DENND2B: variants seen among roughly 807,000 people sequenced by gnomAD.
DENND2B encodes the protein DENN domain containing 2B.
A neutral mutation model predicts 116.0 loss-of-function variants in DENND2B; 32 were observed. The ratio of observed to expected loss-of-function variants is 0.28; its 90% CI spans 0.21 to 0.37. The LOEUF is 0.37. Among genes scored for constraint, DENND2B ranks in the 10% least tolerant of loss-of-function variants. The pLI is 1.00. For synonymous variants in DENND2B, 588 were observed against 583.9 expected (o/e 1.01, Z -0.10); for missense variants, 1,276 against 1,477.7 (o/e 0.86, Z 2.24).
At position 8,712,631 on chromosome 11, in the gene DENND2B, C is replaced by G; in HGVS notation, c.2092G>C (p.Glu698Gln). The G allele has an allele frequency of 1.3e-6, 2 of 1,572,298 alleles. No individual in the cohort carries two copies. Among genetic ancestry groups the G allele is most frequent in the South Asian group, 2.3e-5 (2 of 85,710 alleles). ...TTGAGGGACACCACCACAAAGTACTCAAAAAGCTCCCGCTCCTGCCACTCC... is the reference window on the plus strand; with the variant it reads ...TTGAGGGACACCACCACAAAGTACTGAAAAAGCTCCCGCTCCTGCCACTCC... ...LLEWQERELFEYFVVVSLKKK... is the reference protein window; with the variant it reads ...LLEWQERELFQYFVVVSLKKK... The change falls in exon 9 of 20, where the codon GAG becomes CAG. Residue 698 changes from glutamate to glutamine, a missense_variant. By Grantham distance (29) the Glu-to-Gln change is conservative. Transcript: ENST00000313726. This position sits in a 1 kb window ranked among gnomAD's most constrained non-coding sequence, Gnocchi z 4.4.
At chr11:8,774,056 A>G in intron 1 of DENND2B, 1 of 960,830 alleles carries the variant, frequency 1.0e-6, no homozygotes, top group Non-Finnish European at 1.2e-6. Context: ...TAAAATGGAG[A>G]GAACAGTTCC....
At position 8,829,603 on chromosome 11, in the gene DENND2B, T is replaced by C. The variant is rs1594143055; in HGVS notation, c.-115+9707A>G. On this transcript the variant is annotated intron_variant, in intron 4 of 6. Transcript: ENST00000524757. ...TATGGTCTGAATGCTTCTGAGTAAG[T>C]TTCTCTCAGCTCTCAGAGATTGGTT... Among the ~76,000 whole-genome samples the C allele has an allele frequency of 2.6e-5, 4 of 152,108 alleles. No homozygotes were observed. In the East Asian group the frequency reaches 7.7e-4, roughly 29 times the overall value.
At chr11:8,799,918 T>TTTATTATTATTA (rs143632896) in intron 1 of DENND2B, among the ~76,000 whole-genome samples, 2 of 143,652 alleles carry the variant, frequency 1.4e-5, no homozygotes, top group African/African-American at 5.2e-5. Context: ...TCACCATGTA[T>TTTATTATTATTA]TTATTATTAT....
chr11:8,857,223 A>G (rs2063225128), intron 3 of DENND2B: 1 of 152,212 alleles, frequency 6.6e-6, no homozygotes, highest in Non-Finnish European at 1.5e-5. Context: ...ACTCTATTAG[A>G]AAGCTGAGTA....
At chr11:8,742,411 C>A (rs1243860799) in intron 2 of DENND2B, among the ~76,000 whole-genome samples, 2 of 152,036 alleles carry the variant, frequency 1.3e-5, no homozygotes, top group Non-Finnish European at 2.9e-5. Flanking sequence ...GAAACAAAAT[C>A]TTAAAACAGT....
At chr11:8,742,331 T>C (rs540387794) in intron 2 of DENND2B, among the ~76,000 whole-genome samples, 1 of 152,352 alleles carries the variant, frequency 6.6e-6, no homozygotes, top group African/African-American at 2.4e-5. Flanking sequence ...CATTAAATTT[T>C]TTTTTTGAGG....
chr11:8,799,183 A>G (rs935351509), intron 1 of DENND2B, among the ~76,000 whole-genome samples: 1 of 152,176 alleles, frequency 6.6e-6, no homozygotes, highest in African/African-American at 2.4e-5. Flanking sequence ...ATTAGAGTTC[A>G]GTTGACAAAA....
At chr11:8,724,703 G>A (rs551974748) in intron 4 of DENND2B, among the ~76,000 whole-genome samples, 1 of 152,276 alleles carries the variant, frequency 6.6e-6, no homozygotes, top group South Asian at 2.1e-4. Flanking sequence ...CCCTTCTTCT[G>A]AACAAGAGGA....
At chr11:8,744,755 A>C (rs557121839) in intron 2 of DENND2B, among the ~76,000 whole-genome samples, 1 of 152,152 alleles carries the variant, frequency 6.6e-6, no homozygotes, top group African/African-American at 2.4e-5. Context: ...CCTTTTTGAA[A>C]AGAAGCCTAT....
intron 16 of DENND2B, 21 bp from the exon 17 acceptor site, chr11:8,697,657 A>G: frequency 6.5e-7 from 1 of 1,546,818 alleles, no homozygotes; most frequent in East Asian, 2.2e-5. Context: ...AAGAAAGCAC[A>G]GTGACAATCA....
intron 1 of DENND2B, among the ~76,000 whole-genome samples, chr11:8,900,271 A>C (rs914699267): frequency 1.4e-5 from 2 of 147,214 alleles, no homozygotes; most frequent in African/African-American, 5.0e-5. Context: ...TAAAAATACA[A>C]AAAAAAAAAA....
chr11:8,793,567 T>C (rs2134349030), intron 1 of DENND2B, among the ~76,000 whole-genome samples: 1 of 152,362 alleles, frequency 6.6e-6, no homozygotes, highest in East Asian at 1.9e-4. Flanking sequence ...ATTACTGTGT[T>C]TATACATTTT....
At chr11:8,791,698 AG>A (rs1361632975) in intron 1 of DENND2B, among the ~76,000 whole-genome samples, 2 of 151,360 alleles carry the variant, frequency 1.3e-5, no homozygotes, top group African/African-American at 4.9e-5. Flanking sequence ...ACCTGGGAGG[AG>A]GAGGTTGCAT....
intron 1 of DENND2B, among the ~76,000 whole-genome samples, chr11:8,884,136 T>C (rs2063932675): frequency 6.6e-6 from 1 of 152,186 alleles, no homozygotes; most frequent in Non-Finnish European, 1.5e-5. Context: ...TCTCACTCCT[T>C]TCATTCAGTT....
chr11:8,754,723 G>T (rs937861101), intron 1 of DENND2B, among the ~76,000 whole-genome samples: 4 of 152,206 alleles, frequency 2.6e-5, no homozygotes, highest in Non-Finnish European at 5.9e-5. Flanking sequence ...CAACACAATG[G>T]AATATTATTC....
chr11:8,755,864 C>T (rs2053520519), intron 1 of DENND2B, among the ~76,000 whole-genome samples: 3 of 152,088 alleles, frequency 2.0e-5, no homozygotes, highest in Admixed American at 2.0e-4. Context: ...TCAATCTTGC[C>T]CCCAGGGCAT....
At chr11:8,779,901 A>G (rs1186237204) in intron 1 of DENND2B, among the ~76,000 whole-genome samples, 1 of 152,172 alleles carries the variant, frequency 6.6e-6, no homozygotes, top group Non-Finnish European at 1.5e-5. Context: ...ACTCAAAAAC[A>G]TCCCATTGAA....
At chr11:8,776,379 CACAA>C (rs1251461591) in intron 1 of DENND2B, 2 of 391,678 alleles carry the variant, frequency 5.1e-6, no homozygotes, top group South Asian at 1.9e-5. Context: ...CCATTCAATC[CACAA>C]ACAATGACCA....
chr11:8,733,582 A>G (rs989160396), intron 2 of DENND2B, among the ~76,000 whole-genome samples: 1 of 152,126 alleles, frequency 6.6e-6, no homozygotes, highest in Non-Finnish European at 1.5e-5. Flanking sequence ...TTTAAACTAT[A>G]CATGCCTCAC....
Sources: gnomAD v4.1 joint callset for allele counts (sites outside exome capture counted in the v4.1 genomes callset) on GRCh38, gnomAD v4.1.1 for gene constraint, Gnocchi (gnomAD v3.1) non-coding constraint, MANE v1.5 for transcripts, NCBI Gene and HGNC (gene_info 2026-07-23, HGNC 2026-07-21) for gene names.